The following CSMD1 variants were observed in gnomAD, a reference collection of about 807,000 sequenced individuals.
CSMD1 encodes CUB and Sushi multiple domains 1, also known as CUB and sushi domain-containing protein 1.
In CSMD1, 213 loss-of-function variants were observed where a neutral mutation model predicts 417.5. That is an observed-to-expected ratio of 0.51 (90% CI 0.46 to 0.57). The LOEUF (loss-of-function observed/expected upper bound fraction) is 0.57, where lower values mean the gene tolerates loss of function less well. Ranked by LOEUF, CSMD1 falls within the 20% of genes least tolerant of loss-of-function variation. CSMD1 has a pLI of 0.00. For missense variants in CSMD1, 6,923 were observed against 4,529.7 expected (o/e 1.53, Z -15.17); for synonymous variants, 2,862 against 1,736.8 (o/e 1.65, Z -16.11).
chr8:4,906,368 A>T (rs533779965), intron 1 of CSMD1, among the ~76,000 whole-genome samples: 49 of 152,280 alleles, frequency 3.2e-4, no homozygotes, highest in Non-Finnish European at 4.6e-4. Context: ...AACTTATGTT[A>T]TTGTGGGTAG....
chr8:2,973,127 C>CAA lies in CSMD1; in HGVS notation c.8912_8913insTT (p.Val2972TrpfsTer18). 6.2e-7 allele frequency: 1 copy of CAA among 1,613,466 alleles called. No individual in the cohort carries two copies. The highest frequency in any genetic ancestry group is 8.5e-7 in the Non-Finnish European group (1 of 1,179,570). On this transcript the variant is annotated frameshift_variant, in exon 57 of 70. Coordinates refer to ENST00000635120, the MANE Select transcript of CSMD1 (RefSeq NM_033225.6). LOFTEE classifies it high-confidence loss of function. Reference sequence around the variant, plus strand: ...CTTCTGGCTACTCACCCTCACACACCGGCTGCAGTCCTGACCATGACCCAT... The same window carrying CAA: ...CTTCTGGCTACTCACCCTCACACACCAAGGCTGCAGTCCTGACCATGACCCAT...
At chr8:3,675,345 C>T (rs1354431410) in intron 7 of CSMD1, among the ~76,000 whole-genome samples, 1 of 152,178 alleles carries the variant, frequency 6.6e-6, no homozygotes, top group South Asian at 2.1e-4. Context: ...CATTGCTATC[C>T]ATGTAGCCTC....
chr8:4,364,421 A>G (rs1801951806), intron 3 of CSMD1, among the ~76,000 whole-genome samples: 1 of 152,150 alleles, frequency 6.6e-6, no homozygotes, highest in Non-Finnish European at 1.5e-5. Context: ...TAGTCCATAC[A>G]AGATTCATTT....
chr8:4,246,046 G>A (rs1363461416), intron 3 of CSMD1, among the ~76,000 whole-genome samples: 1 of 152,086 alleles, frequency 6.6e-6, no homozygotes, highest in Non-Finnish European at 1.5e-5. Flanking sequence ...TAACTTTTAA[G>A]TTTAGTGGTA....
intron 1 of CSMD1, among the ~76,000 whole-genome samples, chr8:4,685,332 G>C (rs199542573): frequency 1.3e-5 from 2 of 152,152 alleles, no homozygotes; most frequent in East Asian, 3.9e-4. Context: ...CCAGCACTTT[G>C]GGAGGCTGAG....
intron 3 of CSMD1, among the ~76,000 whole-genome samples, chr8:4,166,327 A>T (rs1260096780): frequency 6.6e-6 from 1 of 152,216 alleles, no homozygotes; most frequent in Non-Finnish European, 1.5e-5. Flanking sequence ...TAACAGGTCT[A>T]TAAAAGACCA....
intron 2 of CSMD1, among the ~76,000 whole-genome samples, chr8:4,630,173 A>G (rs1226903184): frequency 6.6e-6 from 1 of 152,026 alleles, no homozygotes; most frequent in Non-Finnish European, 1.5e-5. Flanking sequence ...AAACATAATT[A>G]TTATCTCTCT....
At chr8:3,993,935 C>A (rs1435779121) in intron 5 of CSMD1, among the ~76,000 whole-genome samples, 1 of 152,072 alleles carries the variant, frequency 6.6e-6, no homozygotes, top group Non-Finnish European at 1.5e-5. Flanking sequence ...ACAAATGCAC[C>A]AGGGATGAAA....
intron 6 of CSMD1, among the ~76,000 whole-genome samples, chr8:3,740,418 C>T (rs1796737687): frequency 6.6e-6 from 1 of 152,126 alleles, no homozygotes; most frequent in African/African-American, 2.4e-5. Flanking sequence ...GAATAAGAGC[C>T]AAATGCCTGG....
chr8:4,396,749 A>G (rs1275546027), intron 3 of CSMD1, among the ~76,000 whole-genome samples: 1 of 152,148 alleles, frequency 6.6e-6, no homozygotes, highest in Non-Finnish European at 1.5e-5. Context: ...GGAAATGGAG[A>G]CAATTACTCT....
intron 5 of CSMD1, among the ~76,000 whole-genome samples, chr8:3,851,521 C>A (rs146677699): frequency 6.6e-6 from 1 of 152,252 alleles, no homozygotes; most frequent in African/African-American, 2.4e-5. Context: ...TCTGTTTGAT[C>A]AGGTGGTCCC....
At chr8:4,424,331 C>G (rs912007719) in intron 2 of CSMD1, among the ~76,000 whole-genome samples, 14 of 151,744 alleles carry the variant, frequency 9.2e-5, no homozygotes, top group Non-Finnish European at 1.5e-4. Context: ...CATGAACTCT[C>G]CAGACTCAAC....
At chr8:4,229,854 G>A (rs185133544) in intron 3 of CSMD1, among the ~76,000 whole-genome samples, 3 of 152,230 alleles carry the variant, frequency 2.0e-5, no homozygotes. Context: ...TATCGCTTTG[G>A]TCTGTGTTCT....
intron 6 of CSMD1, among the ~76,000 whole-genome samples, chr8:3,747,963 T>C (rs117795195): frequency 0.016 from 2,360 of 152,182 alleles, 27 homozygotes; most frequent in South Asian, 0.028. Flanking sequence ...TCCGTTTGTC[T>C]AGAAGTCCAC....
Position 4,447,131 on chromosome 8 carries a change from G to A in CSMD1, c.303-27066C>T, listed in dbSNP as rs144604801. Among the ~76,000 whole-genome samples, 39 of 152,184 alleles carry A rather than the reference G, an allele frequency of 2.6e-4. No homozygotes were observed. In the Middle Eastern group the frequency reaches 0.014, roughly 53 times the overall value. On this transcript the variant is annotated intron_variant, in intron 2 of 69. Transcript: ENST00000635120. ...TTACTTAAATGTACATTTGCAAATAGAATGTTAAAGACAAACAACATTTTA... is the reference window on the plus strand; with the variant it reads ...TTACTTAAATGTACATTTGCAAATAAAATGTTAAAGACAAACAACATTTTA...
chr8:4,029,945 G>C (rs1043041360), intron 4 of CSMD1, among the ~76,000 whole-genome samples: 5 of 152,158 alleles, frequency 3.3e-5, no homozygotes, highest in African/African-American at 1.2e-4. Flanking sequence ...ATCCAGTGGG[G>C]CAGTCAAATC....
chr8:3,712,328 C>T (rs1000746179), intron 6 of CSMD1, among the ~76,000 whole-genome samples: 1 of 151,972 alleles, frequency 6.6e-6, no homozygotes, highest in Non-Finnish European at 1.5e-5. Context: ...CTTCCTCCCT[C>T]CAACTGCCCT....
chr8:4,070,179 G>A (rs983400202), intron 3 of CSMD1, among the ~76,000 whole-genome samples: 4 of 151,898 alleles, frequency 2.6e-5, no homozygotes, highest in Non-Finnish European at 4.4e-5. Context: ...TTTTAGAGGT[G>A]CATTTACCAA....
In CSMD1 at chr8:4,122,715, G is replaced by A. The variant is rs190983047; in HGVS notation, c.416-90616C>T. ...GGCATGGCTAAATGCTGTAACCCAG[G>A]ATTTTTTCCTAGAAGTAACACTTTC... On this transcript the variant is annotated intron_variant, in intron 3 of 69. Coordinates refer to ENST00000635120, the MANE Select transcript of CSMD1 (RefSeq NM_033225.6). Among the ~76,000 whole-genome samples, 305 of 152,230 alleles carry A rather than the reference G, an allele frequency of 2.0e-3. 4 individuals carry two copies. The highest frequency in any genetic ancestry group is 7.1e-4 in the Non-Finnish European group (48 of 68,028).
Sources: gnomAD v4.1 joint callset for allele counts (sites outside exome capture counted in the v4.1 genomes callset) on GRCh38, gnomAD v4.1.1 for gene constraint, MANE v1.5 for transcripts, NCBI Gene and HGNC (gene_info 2026-07-23, HGNC 2026-07-21) for gene names.